The following GABRG3 variants were observed in gnomAD, a reference collection of about 807,000 sequenced individuals.
GABRG3 encodes the protein gamma-aminobutyric acid receptor subunit gamma-3.
Under a neutral mutation model 48.8 loss-of-function variants are expected in GABRG3, and 25 were observed. That is an observed-to-expected ratio of 0.51 (90% CI 0.37 to 0.72). The LOEUF (loss-of-function observed/expected upper bound fraction) is 0.72. GABRG3 is among the 30% of genes least tolerant of loss of function. GABRG3 has a pLI of 0.00. For synonymous variants in GABRG3, 227 were observed against 217.6 expected (o/e 1.04, Z -0.38); for missense variants, 394 against 577.9 (o/e 0.68, Z 3.26).
chr15:27,505,021 A>G (rs184696508), intron 6 of GABRG3, among the ~76,000 whole-genome samples: 1 of 152,332 alleles, frequency 6.6e-6, no homozygotes, highest in East Asian at 1.9e-4. Flanking sequence ...TACAGTCTCT[A>G]TTCAGACTTG....
chr15:27,279,050 G>A (rs1359304169), intron 3 of GABRG3, among the ~76,000 whole-genome samples: 1 of 152,162 alleles, frequency 6.6e-6, no homozygotes, highest in Non-Finnish European at 1.5e-5. Flanking sequence ...GGTTAATGAA[G>A]TTGTATGCTT....
intron 3 of GABRG3, among the ~76,000 whole-genome samples, chr15:27,232,809 C>A (rs1003946926): frequency 2.0e-5 from 3 of 152,218 alleles, no homozygotes; most frequent in African/African-American, 7.2e-5. Flanking sequence ...ATTTATTAAA[C>A]ATTCCTTCTG....
intron 3 of GABRG3, among the ~76,000 whole-genome samples, chr15:27,305,427 T>A (rs985243161): frequency 2.0e-5 from 3 of 150,094 alleles, no homozygotes; most frequent in African/African-American, 7.3e-5. Flanking sequence ...GTGGTAAACA[T>A]GTCAACATGT....
chr15:27,199,940 C>A (rs1346920173), intron 3 of GABRG3, among the ~76,000 whole-genome samples: 1 of 150,578 alleles, frequency 6.6e-6, no homozygotes, highest in African/African-American at 2.5e-5. Flanking sequence ...TCCCTTCATC[C>A]TTCTCTCTTT....
intron 5 of GABRG3, among the ~76,000 whole-genome samples, chr15:27,396,352 C>A (rs1293572921): frequency 6.6e-6 from 1 of 152,136 alleles, no homozygotes; most frequent in Non-Finnish European, 1.5e-5. Flanking sequence ...AAGAGTTAAA[C>A]AGATACTTTC....
intron 5 of GABRG3, among the ~76,000 whole-genome samples, chr15:27,467,385 G>A (rs1241799556): frequency 6.7e-6 from 1 of 150,092 alleles, no homozygotes; most frequent in Non-Finnish European, 1.5e-5. Flanking sequence ...ATAGTTACAT[G>A]CCATCTTCAG....
At chr15:27,499,240 G>A (rs574127604) in intron 6 of GABRG3, among the ~76,000 whole-genome samples, 9 of 152,292 alleles carry the variant, frequency 5.9e-5, no homozygotes, top group African/African-American at 1.9e-4. Flanking sequence ...TCAATGAAGT[G>A]GTTCTTTGTT....
chr15:27,361,976 C>T (rs538366998), intron 5 of GABRG3, among the ~76,000 whole-genome samples: 7 of 152,118 alleles, frequency 4.6e-5, no homozygotes, highest in South Asian at 4.2e-4. Context: ...GAGAAAAGAC[C>T]GAGGTAAAAA....
rs1266344546 is a variant in GABRG3 at position 27,352,111 on chromosome 15, G to A, written c.574+23223G>A. ...GTGTGTGTATGATGTGTGTATGTAT[G>A]GTGTGTGTGTATGTATGATGTGTGT... On this transcript the variant is annotated intron_variant, in intron 5 of 9. Transcript: ENST00000615808. The surrounding 1 kb of genome is among the most constrained non-coding windows in gnomAD (Gnocchi z 4.0). Among the ~76,000 whole-genome samples the A allele has an allele frequency of 6.7e-6, 1 of 148,524 alleles. No homozygotes were observed. The highest frequency in any genetic ancestry group is 2.5e-5 in the African/African-American group (1 of 40,176).
At chr15:27,410,205 G>C (rs912594630) in intron 5 of GABRG3, among the ~76,000 whole-genome samples, 2 of 152,138 alleles carry the variant, frequency 1.3e-5, no homozygotes, top group Admixed American at 1.3e-4. Context: ...TATTGTTACG[G>C]TGGATAACAT....
chr15:27,091,456 C>T (rs1280273331), intron 3 of GABRG3, among the ~76,000 whole-genome samples: 2 of 152,088 alleles, frequency 1.3e-5, no homozygotes, highest in Admixed American at 6.5e-5. Flanking sequence ...GATGTCTCTT[C>T]CTGGCTTTGT....
intron 3 of GABRG3, among the ~76,000 whole-genome samples, chr15:27,143,946 A>C (rs1039197318): frequency 6.6e-6 from 1 of 152,156 alleles, no homozygotes; most frequent in Non-Finnish European, 1.5e-5. Context: ...TCTCAAATAA[A>C]AGATAAGGCA....
intron 3 of GABRG3, among the ~76,000 whole-genome samples, chr15:27,149,030 G>A (rs1210893687): frequency 6.6e-6 from 1 of 151,990 alleles, no homozygotes; most frequent in Admixed American, 6.6e-5. Flanking sequence ...AATGATAAAA[G>A]TCGTATTTTT....
At chr15:27,188,549 C>T (rs1036277732) in intron 3 of GABRG3, among the ~76,000 whole-genome samples, 80 of 151,350 alleles carry the variant, frequency 5.3e-4, no homozygotes, top group Non-Finnish European at 9.6e-4. Context: ...CTGTTCATGT[C>T]CTTTGCCCAC....
chr15:27,429,788 T>A (rs1199433050), intron 5 of GABRG3, among the ~76,000 whole-genome samples: 1 of 152,242 alleles, frequency 6.6e-6, no homozygotes, highest in African/African-American at 2.4e-5. Context: ...CGCATGGATA[T>A]ACCACAATGT....
At chr15:27,010,870 G>A (rs190772097) in intron 2 of GABRG3, among the ~76,000 whole-genome samples, 2 of 152,044 alleles carry the variant, frequency 1.3e-5, no homozygotes, top group African/African-American at 2.4e-5. Flanking sequence ...TTTTGATATG[G>A]AGTGTCACTT....
chr15:27,016,240 C>T (rs61211592), intron 2 of GABRG3, among the ~76,000 whole-genome samples: 7,971 of 140,706 alleles, frequency 0.057, 276 homozygotes, highest in East Asian at 0.19. Flanking sequence ...TTCTTTCTTT[C>T]TTTTTTTTTT....
intron 2 of GABRG3, among the ~76,000 whole-genome samples, chr15:26,984,155 G>T: frequency 6.6e-6 from 1 of 152,106 alleles, no homozygotes; most frequent in East Asian, 1.9e-4. Context: ...AATGTGGTAT[G>T]GTGTGACATG....
chr15:27,278,854 CTTTTG>C (rs201452260), intron 3 of GABRG3, among the ~76,000 whole-genome samples: 1 of 152,134 alleles, frequency 6.6e-6, no homozygotes, highest in South Asian at 2.1e-4. Flanking sequence ...TGTATGTTTG[CTTTTG>C]TTTTGTTTTG....
Sources: allele counts gnomAD v4.1 joint callset (sites outside exome capture counted in the v4.1 genomes callset), GRCh38; gene constraint gnomAD v4.1.1; non-coding constraint Gnocchi (gnomAD v3.1); transcripts MANE v1.5; gene names NCBI Gene and HGNC (gene_info 2026-07-23, HGNC 2026-07-21).